CTNNA3: variants seen among roughly 807,000 people sequenced by gnomAD.
The protein encoded by CTNNA3 is catenin alpha 3.
In CTNNA3, 76 loss-of-function variants were observed where a neutral mutation model predicts 95.7. The observed-to-expected ratio is 0.79, with a 90% CI of 0.66 to 0.96. CTNNA3 has a LOEUF of 0.96. Ranked by LOEUF, CTNNA3 falls within the 40% of genes least tolerant of loss-of-function variation. The pLI, the probability that CTNNA3 is intolerant of heterozygous loss-of-function variation, is 0.00. For missense variants in CTNNA3, 1,191 were observed against 1,089.8 expected (o/e 1.09, Z -1.31); for synonymous variants, 431 against 374.4 (o/e 1.15, Z -1.74).
In CTNNA3 at chr10:66,631,407, A is replaced by C. The variant is rs552616185; in HGVS notation, c.1282-9623T>G. On this transcript the variant is annotated intron_variant, in intron 9 of 17. Transcript: ENST00000433211. ...ATTAGCCAATTTAATTCAACTGTGT[A>C]ATAAAAAATAATAATAAAGCAAGAC... 1.3e-3 allele frequency among the ~76,000 whole-genome samples: 199 copies of C among 152,330 alleles called. 1 individual carries two copies. The highest frequency in any genetic ancestry group is 2.3e-3 in the Non-Finnish European group (159 of 68,026).
chr10:66,645,823 C>G (rs1845688506), intron 9 of CTNNA3, among the ~76,000 whole-genome samples: 1 of 152,154 alleles, frequency 6.6e-6, no homozygotes, highest in African/African-American at 2.4e-5. Context: ...CCTGCCTCCA[C>G]TCACTATCCG....
intron 11 of CTNNA3, among the ~76,000 whole-genome samples, chr10:66,461,603 T>A (rs1157523072): frequency 6.6e-6 from 1 of 151,354 alleles, no homozygotes; most frequent in African/African-American, 2.4e-5. Context: ...GTGTCGGTGC[T>A]TATAATCAGC....
At chr10:66,504,047 T>G (rs1428714799) in intron 11 of CTNNA3, among the ~76,000 whole-genome samples, 1 of 152,088 alleles carries the variant, frequency 6.6e-6, no homozygotes, top group East Asian at 1.9e-4. Flanking sequence ...TACTTAATCA[T>G]TTTTTTATAG....
At chr10:67,761,864 C>G (rs1407032314) in intron 1 of CTNNA3, among the ~76,000 whole-genome samples, 2 of 141,190 alleles carry the variant, frequency 1.4e-5, no homozygotes, top group Non-Finnish European at 3.0e-5. Flanking sequence ...GGCGACAGAG[C>G]AAGACTCCGT....
intron 5 of CTNNA3, among the ~76,000 whole-genome samples, chr10:67,396,606 C>A (rs1039774554): frequency 3.3e-5 from 5 of 152,012 alleles, no homozygotes; most frequent in Admixed American, 2.0e-4. Flanking sequence ...AAACAATTAA[C>A]AAACATTTTG....
At chr10:67,758,441 C>T (rs1841445989) in intron 1 of CTNNA3, among the ~76,000 whole-genome samples, 1 of 151,392 alleles carries the variant, frequency 6.6e-6, no homozygotes, top group African/African-American at 2.4e-5. Flanking sequence ...TTAATAGCCC[C>T]CCAAAAAATA....
At chr10:66,550,164 C>T (rs1842171051) in intron 10 of CTNNA3, among the ~76,000 whole-genome samples, 1 of 152,046 alleles carries the variant, frequency 6.6e-6, no homozygotes, top group South Asian at 2.1e-4. Context: ...CTGATGAATG[C>T]CTATTTTATC....
intron 1 of CTNNA3, among the ~76,000 whole-genome samples, chr10:67,716,785 T>C (rs1478204795): frequency 6.6e-6 from 1 of 152,204 alleles, no homozygotes. Context: ...TAAACATATG[T>C]GTGCATGTGT....
At chr10:67,338,485 G>T (rs911662537) in intron 5 of CTNNA3, among the ~76,000 whole-genome samples, 1 of 151,902 alleles carries the variant, frequency 6.6e-6, no homozygotes, top group African/African-American at 2.4e-5. Flanking sequence ...AAATGTGGAG[G>T]GGACAAACAT....
intron 13 of CTNNA3, among the ~76,000 whole-genome samples, chr10:66,244,851 A>G (rs530790770): frequency 6.6e-6 from 1 of 152,360 alleles, no homozygotes; most frequent in South Asian, 2.1e-4. Context: ...ATTTACAAGC[A>G]TTGAGACCAG....
At chr10:66,340,868 C>T (rs1210388379) in intron 12 of CTNNA3, among the ~76,000 whole-genome samples, 1 of 151,844 alleles carries the variant, frequency 6.6e-6, no homozygotes, top group East Asian at 1.9e-4. Flanking sequence ...ATAATTTGAA[C>T]TCAGATCTGC....
At chr10:67,365,879 T>C (rs374863392) in intron 5 of CTNNA3, among the ~76,000 whole-genome samples, 2 of 152,352 alleles carry the variant, frequency 1.3e-5, no homozygotes, top group South Asian at 4.1e-4. Context: ...TTACTGGGTA[T>C]ATACCCAAAG....
chr10:66,148,811 T>C (rs2084033928), intron 13 of CTNNA3, among the ~76,000 whole-genome samples: 1 of 152,124 alleles, frequency 6.6e-6, no homozygotes, highest in Non-Finnish European at 1.5e-5. Flanking sequence ...TATAAAATGT[T>C]GCACAAATAG....
chr10:67,699,889 C>A (rs953029495), upstream of CTNNA3, among the ~76,000 whole-genome samples: 1 of 152,226 alleles, frequency 6.6e-6, no homozygotes. Flanking sequence ...GGGTGACAGA[C>A]GGCACCTGGA....
chr10:66,488,484 T>C lies in CTNNA3; in HGVS notation c.1531+32133A>G, dbSNP rs539342927. On this transcript the variant is annotated intron_variant, in intron 11 of 17. Coordinates refer to ENST00000433211, the MANE Select transcript of CTNNA3 (RefSeq NM_013266.4). ...CCCACTTCTTTCATTTTGCTAATTG[T>C]AAATGCCTTTGGTGTTGATCAAAGA... is the stretch of plus-strand genomic sequence containing the variant. 7.6e-4 allele frequency among the ~76,000 whole-genome samples: 115 copies of C among 152,274 alleles called. 1 individual carries two copies. Among genetic ancestry groups the C allele is most frequent in the African/African-American group, 2.6e-3 (109 of 41,574 alleles).
At chr10:66,738,366 G>A (rs72800791) in intron 9 of CTNNA3, among the ~76,000 whole-genome samples, 11,879 of 152,110 alleles carry the variant, frequency 0.078, 726 homozygotes, top group East Asian at 0.23. Context: ...ACTTTTATCA[G>A]TTTGATGTAT....
chr10:66,801,526 T>C (rs562163169), intron 7 of CTNNA3, among the ~76,000 whole-genome samples: 1 of 151,654 alleles, frequency 6.6e-6, no homozygotes, highest in East Asian at 1.9e-4. Flanking sequence ...TCAAAAGTTA[T>C]AAAATACACA....
chr10:66,363,420 G>A (rs370001852), intron 12 of CTNNA3, among the ~76,000 whole-genome samples: 11 of 152,144 alleles, frequency 7.2e-5, no homozygotes, highest in East Asian at 1.9e-4. Flanking sequence ...TTTATCTTTC[G>A]GCTCTCCATC....
chr10:67,746,923 G>A (rs1376761546), intron 1 of CTNNA3, among the ~76,000 whole-genome samples: 1 of 152,206 alleles, frequency 6.6e-6, no homozygotes, highest in African/African-American at 2.4e-5. Flanking sequence ...CAGCTGCAGA[G>A]CACCATTTTT....
Sources: gnomAD v4.1 joint callset for allele counts (sites outside exome capture counted in the v4.1 genomes callset) on GRCh38, gnomAD v4.1.1 for gene constraint, MANE v1.5 for transcripts, NCBI Gene and HGNC (gene_info 2026-07-23, HGNC 2026-07-21) for gene names.